Variants in FBN1 observed in about 807,000 individuals in gnomAD.
FBN1 encodes fibrillin 1, also known as fibrillin-1.
Under a neutral mutation model 365.1 loss-of-function variants are expected in FBN1, and 29 were observed. The ratio of observed to expected loss-of-function variants is 0.08; its 90% CI spans 0.06 to 0.11. The LOEUF is 0.11. Among genes scored for constraint, FBN1 ranks in the 10% least tolerant of loss-of-function variants. The probability of loss-of-function intolerance (pLI) is 1.00; values close to 1 mark genes in which losing one functional copy is unlikely to be tolerated. For synonymous variants in FBN1, 1,210 were observed against 1,270.5 expected (o/e 0.95, Z 1.01); for missense variants, 2,476 against 3,703.2 (o/e 0.67, Z 8.60).
intron 6 of FBN1, among the ~76,000 whole-genome samples, chr15:48,588,310 T>C (rs2140699280): frequency 6.6e-6 from 1 of 152,358 alleles, no homozygotes; most frequent in South Asian, 2.1e-4. Context: ...ATTTCACCTG[T>C]TTCCTTTTAC....
chr15:48,530,160 T>C (rs10163095), intron 8 of FBN1, among the ~76,000 whole-genome samples: 31 of 137,394 alleles, frequency 2.3e-4, no homozygotes, highest in African/African-American at 7.6e-4. Flanking sequence ...GTCTGAATTC[T>C]TATCCATGCT....
At chr15:48,561,934 C>T (rs1363821249) in intron 6 of FBN1, among the ~76,000 whole-genome samples, 1 of 152,104 alleles carries the variant, frequency 6.6e-6, no homozygotes, top group Non-Finnish European at 1.5e-5. Flanking sequence ...TTTTAGTGTC[C>T]ATAAGAACCA....
chr15:48,639,688 C>T lies in FBN1; in HGVS notation c.164+4918G>A, dbSNP rs117272811. Among the ~76,000 whole-genome samples the T allele has an allele frequency of 3.2e-4, 48 of 152,248 alleles. No individual in the cohort carries two copies. In the South Asian group the frequency reaches 5.0e-3, roughly 16 times the overall value. On this transcript the variant is annotated intron_variant, in intron 2 of 65. Coordinates refer to ENST00000316623, the MANE Select transcript of FBN1 (RefSeq NM_000138.5). ...AAAATCGACTTGAACAATCATGAAA[C>T]GCTAAACTATCATGTGCCTGAGTTA...
chr15:48,619,448 C>A (rs922351139), intron 2 of FBN1, among the ~76,000 whole-genome samples: 1 of 151,924 alleles, frequency 6.6e-6, no homozygotes, highest in Non-Finnish European at 1.5e-5. Flanking sequence ...ATCTGTTTCT[C>A]TCTCCCTCCT....
chr15:48,634,244 T>C (rs1220545593), intron 2 of FBN1, among the ~76,000 whole-genome samples: 1 of 152,230 alleles, frequency 6.6e-6, no homozygotes, highest in Non-Finnish European at 1.5e-5. Context: ...CATAGTACCA[T>C]ATACACAGGT....
intron 47 of FBN1, 129 bp from the exon 48 acceptor site, chr15:48,445,633 A>C: frequency 1.1e-6 from 1 of 933,410 alleles, no homozygotes; most frequent in East Asian, 2.7e-5. Context: ...TAGCCAAACA[A>C]GAAATGCCAA....
intron 42 of FBN1, among the ~76,000 whole-genome samples, chr15:48,460,682 T>C (rs1301003449): frequency 6.6e-6 from 1 of 152,082 alleles, no homozygotes; most frequent in East Asian, 1.9e-4. Flanking sequence ...AGATCTAGGG[T>C]TTGAGGAACA....
chr15:48,452,011 T>A (rs766183883), intron 45 of FBN1, among the ~76,000 whole-genome samples: 19 of 152,246 alleles, frequency 1.2e-4, no homozygotes, highest in Admixed American at 3.3e-4. Context: ...AGGCTGTTGA[T>A]GTTTGCTGCC....
At chr15:48,568,053 A>AAGG (rs2044273358) in intron 6 of FBN1, among the ~76,000 whole-genome samples, 1 of 95,668 alleles carries the variant, frequency 1.0e-5, no homozygotes, top group Non-Finnish European at 2.3e-5. Flanking sequence ...AAGAAAGAAG[A>AAGG]AAGAAAGAAA....
At chr15:48,594,445 T>TG in intron 6 of FBN1, among the ~76,000 whole-genome samples, 1 of 152,246 alleles carries the variant, frequency 6.6e-6, no homozygotes, top group Non-Finnish European at 1.5e-5. Flanking sequence ...TCAACAGATA[T>TG]TTACACCTTA....
At chr15:48,580,485 T>C (rs2044383294) in intron 6 of FBN1, among the ~76,000 whole-genome samples, 1 of 152,174 alleles carries the variant, frequency 6.6e-6, no homozygotes, top group Non-Finnish European at 1.5e-5. Context: ...ACTCGGTAAC[T>C]GGCTTCTCCA....
At position 48,417,104 on chromosome 15, in the gene FBN1, C is replaced by A. The variant is rs73390292; in HGVS notation, c.7820-1337G>T. Reference sequence around the variant, plus strand: ...TGTTGGACTGCAAAGGCCATCCATGCGCTTTCCTTTATACCACAGTGCCTC... The same window carrying A: ...TGTTGGACTGCAAAGGCCATCCATGAGCTTTCCTTTATACCACAGTGCCTC... On this transcript the variant is annotated intron_variant, in intron 63 of 65. Transcript: ENST00000316623. Among the ~76,000 whole-genome samples, 9 of 152,308 alleles carry A rather than the reference C, an allele frequency of 5.9e-5. No homozygotes were observed. The East Asian group carries it at 1.7e-3, about 29-fold the overall frequency.
At chr15:48,508,529 A>G (rs2043730259) in intron 15 of FBN1, 53 bp downstream of exon 15, 5 of 1,611,400 alleles carry the variant, frequency 3.1e-6, no homozygotes, top group Non-Finnish European at 4.2e-6. Context: ...TAAACAACAT[A>G]AGGAGGAGAA....
chr15:48,411,805 A>G lies in FBN1; in HGVS notation c.8227-426T>C, dbSNP rs73390280. Among the ~76,000 whole-genome samples the G allele has an allele frequency of 7.1e-3, 1,082 of 152,368 alleles. 16 individuals are homozygous for G. Among genetic ancestry groups the G allele is most frequent in the African/African-American group, 0.025 (1,057 of 41,592 alleles). The stretch of plus-strand genomic sequence containing the variant: ...AAAGTTTGAGAACCACTGTTTTAAT[A>G]GATTATGTTCTTTCCAAAGACTTAT... On this transcript the variant is annotated intron_variant, in intron 65 of 65. Coordinates refer to ENST00000316623, the MANE Select transcript of FBN1 (RefSeq NM_000138.5).
chr15:48,417,593 C>G (rs1597510943), intron 63 of FBN1, among the ~76,000 whole-genome samples: 1 of 151,948 alleles, frequency 6.6e-6, no homozygotes, highest in African/African-American at 2.4e-5. Flanking sequence ...ACCTTCAAGT[C>G]TTCACCCAAG....
intron 9 of FBN1, among the ~76,000 whole-genome samples, chr15:48,522,802 A>C (rs983141431): frequency 1.3e-5 from 2 of 152,370 alleles, no homozygotes; most frequent in Middle Eastern, 3.4e-3. Flanking sequence ...TTTAAAGGAT[A>C]CAAGATTATT....
Position 48,596,394 on chromosome 15 carries a change from A to G in FBN1, c.443-16T>C. 2 of 1,609,346 alleles carry G rather than the reference A, an allele frequency of 1.2e-6. No individual in the cohort carries two copies. The highest frequency in any genetic ancestry group is 1.7e-6 in the Non-Finnish European group (2 of 1,175,670). On this transcript the variant is annotated splice_polypyrimidine_tract_variant and intron_variant, in intron 5 of 65. Coordinates refer to ENST00000316623, the MANE Select transcript of FBN1 (RefSeq NM_000138.5). ...TCACAAACAGCTGTAAAATAAGGAG[A>G]GAGCTGAGACGCTTTACCTGAAAAT...
At chr15:48,579,568 G>A (rs1215172287) in intron 6 of FBN1, among the ~76,000 whole-genome samples, 12 of 152,148 alleles carry the variant, frequency 7.9e-5, no homozygotes, top group African/African-American at 2.9e-4. Flanking sequence ...AATAGCTCAG[G>A]TCTCTGAAGA....
At chr15:48,485,316 A>G (rs930407908) in intron 30 of FBN1, 58 bp downstream of exon 30, 3 of 1,613,242 alleles carry the variant, frequency 1.9e-6, no homozygotes, top group African/African-American at 1.3e-5. Context: ...CCTGGGCCCT[A>G]AACTACTTTA....
Sources: gnomAD v4.1 joint callset for allele counts (sites outside exome capture counted in the v4.1 genomes callset) on GRCh38, gnomAD v4.1.1 for gene constraint, MANE v1.5 for transcripts, NCBI Gene and HGNC (gene_info 2026-07-23, HGNC 2026-07-21) for gene names.